Variants in TMEM108 observed in about 807,000 individuals in gnomAD.
TMEM108 encodes the protein cancer/testis antigen 124.
Under a neutral mutation model 35.1 loss-of-function variants are expected in TMEM108, and 12 were observed. That is an observed-to-expected ratio of 0.34 (90% CI 0.22 to 0.55). TMEM108 has a LOEUF of 0.55. Among genes scored for constraint, TMEM108 ranks in the 20% least tolerant of loss-of-function variants. The probability of loss-of-function intolerance (pLI) is 0.89; values close to 1 mark genes in which losing one functional copy is unlikely to be tolerated. For synonymous variants in TMEM108, 287 were observed against 308.6 expected (o/e 0.93, Z 0.73); for missense variants, 680 against 753.3 (o/e 0.90, Z 1.14).
chr3:133,071,888 TATC>T (rs1943680184), intron 2 of TMEM108, among the ~76,000 whole-genome samples: 2 of 152,210 alleles, frequency 1.3e-5, no homozygotes, highest in Admixed American at 1.3e-4. Context: ...GTGCTTCTGA[TATC>T]ATATCCAAGA....
chr3:133,183,476 T>C (rs2107806161), intron 2 of TMEM108, among the ~76,000 whole-genome samples: 1 of 151,896 alleles, frequency 6.6e-6, no homozygotes, highest in African/African-American at 2.4e-5. Flanking sequence ...TCTCTTACAG[T>C]GTGAAGAAGT....
chr3:133,157,202 A>C (rs772418220), intron 2 of TMEM108, among the ~76,000 whole-genome samples: 6 of 152,226 alleles, frequency 3.9e-5, no homozygotes, highest in Non-Finnish European at 7.3e-5. Flanking sequence ...TTTTCCAAAA[A>C]AGATGTTGGC....
intron 2 of TMEM108, among the ~76,000 whole-genome samples, chr3:133,067,757 G>A (rs1943628494): frequency 1.3e-5 from 2 of 152,176 alleles, no homozygotes; most frequent in South Asian, 4.1e-4. Flanking sequence ...GGAACATCAG[G>A]TGCTGAGATG....
At chr3:133,217,648 A>C (rs917344328) in intron 2 of TMEM108, among the ~76,000 whole-genome samples, 2 of 151,944 alleles carry the variant, frequency 1.3e-5, no homozygotes, top group Admixed American at 1.3e-4. Context: ...CTGCATGTTG[A>C]TATTCAATTT....
chr3:133,087,353 T>C (rs565507856), intron 2 of TMEM108, among the ~76,000 whole-genome samples: 49 of 152,328 alleles, frequency 3.2e-4, no homozygotes, highest in Non-Finnish European at 6.3e-4. Context: ...AGGATAAATC[T>C]TCTGGAACTA....
chr3:133,291,434 C>T (rs1047167613), intron 3 of TMEM108, among the ~76,000 whole-genome samples: 1 of 152,090 alleles, frequency 6.6e-6, no homozygotes, highest in Non-Finnish European at 1.5e-5. Flanking sequence ...GCATGTACCA[C>T]CACACCCAGC....
At chr3:133,075,807 CAAG>C (rs148725472) in intron 2 of TMEM108, among the ~76,000 whole-genome samples, 2,535 of 152,138 alleles carry the variant, frequency 0.017, 82 homozygotes, top group African/African-American at 0.058. Context: ...CTGTGGGAAA[CAAG>C]GAGATTCTCC....
Position 133,165,040 on chromosome 3 carries a change from T to C in TMEM108, c.-46-64226T>C, listed in dbSNP as rs547664691. ...TTGATCCAAGGAATATAAATACTTA[T>C]TAAAAATAAATTATATGAAATGCCA... On this transcript the variant is annotated intron_variant, in intron 2 of 5. Transcript: ENST00000321871. Among the ~76,000 whole-genome samples the C allele has an allele frequency of 7.2e-5, 11 of 152,344 alleles. No individual in the cohort carries two copies. In the East Asian group the frequency reaches 7.7e-4, roughly 11 times the overall value.
At chr3:133,308,790 A>C (rs1299812293) in intron 3 of TMEM108, among the ~76,000 whole-genome samples, 6 of 152,198 alleles carry the variant, frequency 3.9e-5, no homozygotes, top group Non-Finnish European at 7.3e-5. Context: ...TTTTCACATC[A>C]GTATTCATCA....
At chr3:133,296,266 T>C (rs1947144256) in intron 3 of TMEM108, among the ~76,000 whole-genome samples, 2 of 152,194 alleles carry the variant, frequency 1.3e-5, no homozygotes, top group Non-Finnish European at 2.9e-5. Context: ...AGCTGTCAAA[T>C]TGGTGGAGCC....
Position 133,136,654 on chromosome 3 carries a change from T to C in TMEM108, c.-47+90634T>C, listed in dbSNP as rs572442249. Reference sequence around the variant, plus strand: ...GTCAGCCTGAAACCTGAACAGGGCATCACCTTTTACCTGGTGCCATCACAG... The same window carrying C: ...GTCAGCCTGAAACCTGAACAGGGCACCACCTTTTACCTGGTGCCATCACAG... On this transcript the variant is annotated intron_variant, in intron 2 of 5. Coordinates refer to ENST00000321871, the MANE Select transcript of TMEM108 (RefSeq NM_023943.4). 2.0e-5 allele frequency among the ~76,000 whole-genome samples: 3 copies of C among 152,334 alleles called. No homozygotes were observed. In the South Asian group the frequency reaches 6.2e-4, roughly 32 times the overall value.
intron 2 of TMEM108, among the ~76,000 whole-genome samples, chr3:133,117,776 GA>G (rs1401827189): frequency 2.0e-5 from 3 of 151,834 alleles, no homozygotes; most frequent in South Asian, 2.1e-4. Context: ...ACCGGGTTTG[GA>G]AAAAAAATCA....
chr3:133,191,188 C>A (rs558066224), intron 2 of TMEM108, among the ~76,000 whole-genome samples: 3 of 152,174 alleles, frequency 2.0e-5, no homozygotes, highest in African/African-American at 4.8e-5. Flanking sequence ...TACAACCATG[C>A]AAAAGTGGTT....
At position 133,226,214 on chromosome 3, in the gene TMEM108, A is replaced by G. The variant is rs984193172; in HGVS notation, c.-46-3052A>G. ...GGAAACCAAGATTCTCATTATGCAC[A>G]TAAAATGGCTGCCCTTAGAGGTAAT... On this transcript the variant is annotated intron_variant, in intron 2 of 5. Transcript: ENST00000321871. 1.1e-4 allele frequency among the ~76,000 whole-genome samples: 16 copies of G among 152,336 alleles called. 1 individual carries two copies. The highest frequency in any genetic ancestry group is 2.9e-4 in the African/African-American group (12 of 41,586).
In TMEM108 at chr3:133,351,575, G is replaced by A. The variant is rs116215766; in HGVS notation, c.41-28177G>A. Among the ~76,000 whole-genome samples, 383 of 152,218 alleles carry A rather than the reference G, an allele frequency of 2.5e-3. 1 individual carries two copies. Among genetic ancestry groups the A allele is most frequent in the African/African-American group, 8.7e-3 (361 of 41,546 alleles). ...GAAGGCTGAGGGAGGATGAGATGAT[G>A]ATACTCTAGGAAGGAGGAAGACACC... On this transcript the variant is annotated intron_variant, in intron 3 of 5. Coordinates refer to ENST00000321871, the MANE Select transcript of TMEM108 (RefSeq NM_023943.4).
intron 3 of TMEM108, among the ~76,000 whole-genome samples, chr3:133,254,652 A>T (rs1310180461): frequency 2.6e-5 from 4 of 152,248 alleles, no homozygotes; most frequent in Admixed American, 1.3e-4. Flanking sequence ...ATTGATTAAG[A>T]CTGCCAAAAA....
At chr3:133,371,613 C>CCAAAAAAAAAAAAA (rs2072674469) in intron 3 of TMEM108, among the ~76,000 whole-genome samples, 1 of 78,058 alleles carries the variant, frequency 1.3e-5, no homozygotes, top group African/African-American at 5.9e-5. Flanking sequence ...CACAAACCCA[C>CCAAAAAAAAAAAAA]AAAAAAAAAA....
At chr3:133,394,573 T>G (rs2073279241) in intron 5 of TMEM108, among the ~76,000 whole-genome samples, 1 of 152,242 alleles carries the variant, frequency 6.6e-6, no homozygotes, top group South Asian at 2.1e-4. Context: ...TGGTGAAGAC[T>G]TGCTTTGTGA....
At chr3:133,144,233 T>C (rs1000916654) in intron 2 of TMEM108, among the ~76,000 whole-genome samples, 1 of 152,170 alleles carries the variant, frequency 6.6e-6, no homozygotes, top group Admixed American at 6.5e-5. Context: ...TTTGGTTTTC[T>C]GTTCCTGTGT....
Sources: gnomAD v4.1 joint callset for allele counts (sites outside exome capture counted in the v4.1 genomes callset) on GRCh38, gnomAD v4.1.1 for gene constraint, MANE v1.5 for transcripts, NCBI Gene and HGNC (gene_info 2026-07-23, HGNC 2026-07-21) for gene names.